The following KIAA1328 variants were observed in gnomAD, a reference collection of about 807,000 sequenced individuals.
KIAA1328 encodes protein hinderin.
Under a neutral mutation model 68.1 loss-of-function variants are expected in KIAA1328, and 52 were observed. That is an observed-to-expected ratio of 0.76 (90% CI 0.61 to 0.96). KIAA1328 has a LOEUF of 0.96. Among genes scored for constraint, KIAA1328 ranks in the 40% least tolerant of loss-of-function variants. The pLI, the probability that KIAA1328 is intolerant of heterozygous loss-of-function variation, is 0.00. For synonymous variants in KIAA1328, 232 were observed against 239.4 expected (o/e 0.97, Z 0.28); for missense variants, 641 against 677.6 (o/e 0.95, Z 0.60).
downstream of KIAA1328, among the ~76,000 whole-genome samples, chr18:37,225,804 G>GC: frequency 6.6e-6 from 1 of 152,230 alleles, no homozygotes; most frequent in East Asian, 1.9e-4. Context: ...ACCCTGTCCT[G>GC]CCCCCTGTTC....
chr18:36,920,189 C>T (rs1446661666), intron 5 of KIAA1328, among the ~76,000 whole-genome samples: 2 of 152,036 alleles, frequency 1.3e-5, no homozygotes, highest in Non-Finnish European at 2.9e-5. Flanking sequence ...AGTTTGAGAT[C>T]TTATAAGTCT....
chr18:37,110,628 GAACA>G (rs991627442), intron 7 of KIAA1328, among the ~76,000 whole-genome samples: 4 of 152,154 alleles, frequency 2.6e-5, no homozygotes, highest in South Asian at 2.1e-4. Flanking sequence ...CACTTAGGAT[GAACA>G]AACAAACACA....
In KIAA1328 at chr18:36,934,055, T is replaced by C. The variant is rs2050410559; in HGVS notation, c.449-25253T>C. On this transcript the variant is annotated intron_variant, in intron 5 of 9. Transcript: ENST00000280020. The stretch of plus-strand genomic sequence containing the variant: ...AGGATGATCCCCCTACCAGTTCAGA[T>C]ATCTATGGGGGGTCATGGGATCTCT... Among the ~76,000 whole-genome samples the C allele has an allele frequency of 2.0e-5, 3 of 152,128 alleles. No individual in the cohort carries two copies. In the South Asian group the frequency reaches 6.2e-4, roughly 32 times the overall value.
chr18:37,160,862 T>C (rs1420771273), intron 8 of KIAA1328, among the ~76,000 whole-genome samples: 1 of 152,214 alleles, frequency 6.6e-6, no homozygotes, highest in Non-Finnish European at 1.5e-5. Context: ...GTCTTTTAAG[T>C]GTCAATAATA....
chr18:37,023,781 G>GTATTTATT (rs199968737), intron 6 of KIAA1328, among the ~76,000 whole-genome samples: 46 of 151,988 alleles, frequency 3.0e-4, no homozygotes, highest in African/African-American at 9.4e-4. Flanking sequence ...AACATCATCT[G>GTATTTATT]TATTTATTTA....
At position 36,976,126 on chromosome 18, in the gene KIAA1328, A is replaced by G. The variant is rs543483482; in HGVS notation, c.576+16691A>G. 4.1e-4 allele frequency among the ~76,000 whole-genome samples: 63 copies of G among 152,336 alleles called. 1 individual carries two copies. The highest frequency in any genetic ancestry group is 1.2e-3 in the Admixed American group (18 of 15,296). The stretch of plus-strand genomic sequence containing the variant: ...TTGTCCAATATGATAGCAACTCACC[A>G]TGTGTGGCTCTTGAGCACTTGATAT... On this transcript the variant is annotated intron_variant, in intron 6 of 9. Coordinates refer to ENST00000280020, the MANE Select transcript of KIAA1328 (RefSeq NM_020776.3).
chr18:36,895,868 C>T (rs1233282479), intron 5 of KIAA1328: 3 of 444,934 alleles, frequency 6.7e-6, no homozygotes, highest in Non-Finnish European at 1.4e-5. Flanking sequence ...CACACCACAC[C>T]CCCACGTTGT....
At chr18:37,012,458 C>A (rs1401369369) in intron 6 of KIAA1328, among the ~76,000 whole-genome samples, 3 of 152,124 alleles carry the variant, frequency 2.0e-5, no homozygotes, top group African/African-American at 7.2e-5. Context: ...AAAAAGGAAA[C>A]CTCCAAAATT....
Position 37,206,590 on chromosome 18 carries a change from A to G in KIAA1328, c.1524-15427A>G, listed in dbSNP as rs73948839. Among the ~76,000 whole-genome samples, 392 of 152,304 alleles carry G rather than the reference A, an allele frequency of 2.6e-3. 3 individuals carry two copies. Among genetic ancestry groups the G allele is most frequent in the African/African-American group, 9.0e-3 (374 of 41,562 alleles). Reference sequence around the variant, plus strand: ...GCGAGCACCTCTTTGATCATTAGAAAGAGGCACCTATCTTTTCTTAAAAGG... The same window carrying G: ...GCGAGCACCTCTTTGATCATTAGAAGGAGGCACCTATCTTTTCTTAAAAGG... On this transcript the variant is annotated intron_variant, in intron 9 of 9. Transcript: ENST00000280020.
At chr18:36,903,722 C>T (rs946674755) in intron 5 of KIAA1328, 1 of 152,090 alleles carries the variant, frequency 6.6e-6, no homozygotes, top group Non-Finnish European at 1.5e-5. Flanking sequence ...ATGCTTTGTA[C>T]CATGACTAAG....
At chr18:37,100,588 C>CT (rs2057579277) in intron 7 of KIAA1328, among the ~76,000 whole-genome samples, 1 of 152,236 alleles carries the variant, frequency 6.6e-6, no homozygotes, top group African/African-American at 2.4e-5. Flanking sequence ...GACTCCACCT[C>CT]TGGGGGCAGG....
chr18:37,084,955 C>T (rs1262496813), intron 7 of KIAA1328, among the ~76,000 whole-genome samples: 2 of 152,134 alleles, frequency 1.3e-5, no homozygotes, highest in East Asian at 2.0e-4. Flanking sequence ...TGGAGCCAGC[C>T]CAGCACTGGA....
At chr18:36,857,568 T>C (rs1054634622) in intron 4 of KIAA1328, among the ~76,000 whole-genome samples, 3 of 152,192 alleles carry the variant, frequency 2.0e-5, no homozygotes, top group Non-Finnish European at 2.9e-5. Context: ...GAATGGTAAG[T>C]GGACAAGCGA....
intron 4 of KIAA1328, among the ~76,000 whole-genome samples, chr18:36,868,562 A>G (rs1185530079): frequency 1.3e-5 from 2 of 152,204 alleles, no homozygotes; most frequent in Non-Finnish European, 2.9e-5. Context: ...GAGAGGTACC[A>G]TAGACTACCG....
At chr18:37,022,804 A>C (rs555331101) in intron 6 of KIAA1328, among the ~76,000 whole-genome samples, 8 of 152,320 alleles carry the variant, frequency 5.3e-5, no homozygotes, top group African/African-American at 1.9e-4. Context: ...TTGTTAAGAA[A>C]TTGTTGTATG....
chr18:36,846,239 C>G (rs1340197282), intron 4 of KIAA1328, among the ~76,000 whole-genome samples: 2 of 151,522 alleles, frequency 1.3e-5, no homozygotes, highest in Non-Finnish European at 3.0e-5. Context: ...ATGTTCTTTT[C>G]CCTCTGAATT....
At chr18:36,922,403 T>C (rs932539462) in intron 5 of KIAA1328, among the ~76,000 whole-genome samples, 10 of 152,228 alleles carry the variant, frequency 6.6e-5, no homozygotes, top group Non-Finnish European at 1.2e-4. Context: ...AACTGAAGCA[T>C]GTAGTTGATA....
rs988521543 is a variant in KIAA1328, at chr18:37,052,891, T to A, written c.577-13999T>A. On this transcript the variant is annotated intron_variant, in intron 6 of 9. Transcript: ENST00000280020. ...ATCCCATGCTCATTAATGGGAAGAATCAATATCATTAAAATGACCATACTG... is the reference window on the plus strand; with the variant it reads ...ATCCCATGCTCATTAATGGGAAGAAACAATATCATTAAAATGACCATACTG... Among the ~76,000 whole-genome samples the A allele has an allele frequency of 2.0e-5, 3 of 152,234 alleles. No homozygotes were observed. The East Asian group carries it at 5.8e-4, about 29-fold the overall frequency.
chr18:36,863,398 C>T (rs2047634213), intron 4 of KIAA1328, among the ~76,000 whole-genome samples: 1 of 152,054 alleles, frequency 6.6e-6, no homozygotes, highest in Admixed American at 6.6e-5. Flanking sequence ...GTCTATTTCT[C>T]TGTCAACTGC....
Sources: allele counts gnomAD v4.1 joint callset (sites outside exome capture counted in the v4.1 genomes callset), GRCh38; gene constraint gnomAD v4.1.1; transcripts MANE v1.5; gene names NCBI Gene and HGNC (gene_info 2026-07-23, HGNC 2026-07-21).